AGBL4: variants seen among roughly 807,000 people sequenced by gnomAD.
AGBL4 encodes AGBL carboxypeptidase 4, also known as cytosolic carboxypeptidase 6.
AGBL4 carries 58 observed loss-of-function variants against 66.4 expected under a neutral mutation model. That is an observed-to-expected ratio of 0.87 (90% confidence interval 0.71 to 1.09). AGBL4 has a LOEUF of 1.09. AGBL4 is among the 50% of genes least tolerant of loss of function. The pLI is 0.00. For synonymous variants in AGBL4, 234 were observed against 222.9 expected, an observed-to-expected ratio of 1.05 and a Z score of -0.44; for missense variants, 579 against 631.0, an observed-to-expected ratio of 0.92 and a Z score of 0.88.
intron 3 of AGBL4, among the ~76,000 whole-genome samples, chr1:49,367,986 T>G (rs1323914699): frequency 6.6e-6 from 1 of 152,208 alleles, no homozygotes; most frequent in Non-Finnish European, 1.5e-5. Flanking sequence ...ATTTGCCTAT[T>G]ATGAATATTT....
chr1:49,420,396 T>C (rs1645517429), intron 3 of AGBL4, among the ~76,000 whole-genome samples: 1 of 152,084 alleles, frequency 6.6e-6, no homozygotes, highest in East Asian at 1.9e-4. Context: ...AAGAAGATAA[T>C]GAATGTAAAA....
chr1:48,855,916 G>C (rs1414132644), intron 6 of AGBL4, among the ~76,000 whole-genome samples: 1 of 151,774 alleles, frequency 6.6e-6, no homozygotes, highest in Non-Finnish European at 1.5e-5. Flanking sequence ...CAGAGGTTGA[G>C]AAATTATTCA....
intron 6 of AGBL4, among the ~76,000 whole-genome samples, chr1:48,748,494 G>T (rs934683802): frequency 6.6e-6 from 1 of 152,196 alleles, no homozygotes; most frequent in Admixed American, 6.5e-5. Context: ...GAGAAAAACT[G>T]GGGCAGAAGC....
At chr1:49,907,383 G>T (rs934910159) in intron 1 of AGBL4, among the ~76,000 whole-genome samples, 6 of 152,054 alleles carry the variant, frequency 3.9e-5, no homozygotes, top group Admixed American at 3.9e-4. Context: ...GAAAATGAGT[G>T]CAGGTTTTCC....
intron 6 of AGBL4, among the ~76,000 whole-genome samples, chr1:48,672,232 T>C (rs1646288018): frequency 6.6e-6 from 1 of 152,240 alleles, no homozygotes; most frequent in African/African-American, 2.4e-5. Context: ...CCTGCTTTCC[T>C]GGCAATGCAG....
intron 11 of AGBL4, among the ~76,000 whole-genome samples, chr1:48,546,035 T>G (rs1267999763): frequency 6.6e-6 from 1 of 152,218 alleles, no homozygotes; most frequent in Non-Finnish European, 1.5e-5. Flanking sequence ...AACTCACATG[T>G]TCCAGTTAAC....
Position 49,697,327 on chromosome 1 carries a change from C to T in AGBL4, c.268G>A (p.Val90Met), listed in dbSNP as rs1647005476. 1.3e-6 allele frequency: 2 copies of T among 1,546,642 alleles called. No individual in the cohort carries two copies. The highest frequency in any genetic ancestry group is 1.7e-6 in the Non-Finnish European group (2 of 1,143,300). Residue 90 changes from valine to methionine, a missense_variant, in exon 3 of 14, where the codon GTG (valine) becomes ATG (methionine). Coordinates refer to ENST00000371839, the MANE Select transcript of AGBL4 (RefSeq NM_032785.4). ...ATTTCCCTCACCTGTGATTCTTTCA[C>T]ATTTTCAACAGTAAAGTTGAACCAG... ...RVWFNFTVEN[V>M]KESQRVIFNI...
At chr1:49,703,101 A>G (rs558939607) in intron 2 of AGBL4, among the ~76,000 whole-genome samples, 1 of 152,210 alleles carries the variant, frequency 6.6e-6, no homozygotes, top group East Asian at 1.9e-4. Flanking sequence ...CAAGTATGCC[A>G]GAAAAAAAAG....
intron 1 of AGBL4, among the ~76,000 whole-genome samples, chr1:49,989,933 A>C (rs1429840871): frequency 6.6e-6 from 1 of 152,142 alleles, no homozygotes; most frequent in Admixed American, 6.6e-5. Context: ...GTATACCTTC[A>C]ATTACATAAT....
intron 6 of AGBL4, among the ~76,000 whole-genome samples, chr1:48,820,563 T>G (rs1295595585): frequency 6.6e-6 from 1 of 152,154 alleles, no homozygotes; most frequent in Admixed American, 6.5e-5. Context: ...AGAATATTAT[T>G]CCCTGAATAA....
At chr1:48,870,997 T>C (rs913342623) in intron 5 of AGBL4, among the ~76,000 whole-genome samples, 2 of 152,110 alleles carry the variant, frequency 1.3e-5, no homozygotes, top group African/African-American at 4.8e-5. Flanking sequence ...AGGACTGAAA[T>C]GAAGTGAAAA....
intron 3 of AGBL4, among the ~76,000 whole-genome samples, chr1:49,508,406 G>A (rs559643187): frequency 2.0e-5 from 3 of 152,074 alleles, no homozygotes; most frequent in Admixed American, 1.3e-4. Flanking sequence ...CTTAAACCCA[G>A]TATCTTTGAC....
At chr1:48,904,520 G>C (rs1652400158) in intron 5 of AGBL4, among the ~76,000 whole-genome samples, 1 of 152,158 alleles carries the variant, frequency 6.6e-6, no homozygotes, top group Non-Finnish European at 1.5e-5. Context: ...GCAGTTTAGA[G>C]TAAAGGTTAA....
At chr1:49,251,283 C>T (rs1488694129) in intron 3 of AGBL4, among the ~76,000 whole-genome samples, 1 of 152,180 alleles carries the variant, frequency 6.6e-6, no homozygotes, top group Non-Finnish European at 1.5e-5. Context: ...CAACTCCCCA[C>T]ATCACTTTGC....
chr1:49,148,229 G>A (rs523473), intron 4 of AGBL4, among the ~76,000 whole-genome samples: 100,275 of 152,066 alleles, frequency 0.66, 33,571 homozygotes, highest in Middle Eastern at 0.73. Flanking sequence ...GATTAGTGTC[G>A]TTATTATTAC....
intron 4 of AGBL4, among the ~76,000 whole-genome samples, chr1:49,124,675 T>C (rs1254227405): frequency 2.0e-5 from 3 of 152,224 alleles, no homozygotes; most frequent in African/African-American, 7.2e-5. Flanking sequence ...CTAACATTCT[T>C]ATCATACAGG....
intron 3 of AGBL4, among the ~76,000 whole-genome samples, chr1:49,539,935 A>T (rs1355638743): frequency 6.6e-6 from 1 of 152,194 alleles, no homozygotes; most frequent in Non-Finnish European, 1.5e-5. Flanking sequence ...TGGAGTGTTC[A>T]TATGGGGCTC....
intron 3 of AGBL4, among the ~76,000 whole-genome samples, chr1:49,448,396 C>A (rs1031978852): frequency 6.6e-6 from 1 of 152,154 alleles, no homozygotes; most frequent in Non-Finnish European, 1.5e-5. Flanking sequence ...GGGTTCCATT[C>A]TATATGGCTT....
At chr1:48,905,834 T>C (rs1007977910) in intron 5 of AGBL4, among the ~76,000 whole-genome samples, 5 of 152,210 alleles carry the variant, frequency 3.3e-5, no homozygotes, top group African/African-American at 1.2e-4. Flanking sequence ...CCAGGCCCTC[T>C]AGCTTTCACT....
Sources: gnomAD v4.1 joint callset for allele counts (sites outside exome capture counted in the v4.1 genomes callset) on GRCh38, gnomAD v4.1.1 for gene constraint, MANE v1.5 for transcripts, NCBI Gene and HGNC (gene_info 2026-07-23, HGNC 2026-07-21) for gene names.